FBXW11: variants seen among roughly 807,000 people sequenced by gnomAD.
FBXW11 encodes F-box/WD repeat-containing protein 11.
Under a neutral mutation model 77.6 loss-of-function variants are expected in FBXW11, and 19 were observed. That is an observed-to-expected ratio of 0.24 (90% CI 0.17 to 0.36). The LOEUF is 0.36. Among genes scored for constraint, FBXW11 ranks in the 10% least tolerant of loss-of-function variants. The pLI is 1.00. For missense variants in FBXW11, 334 were observed against 704.2 expected (o/e 0.47, Z 5.95); for synonymous variants, 235 against 249.4 (o/e 0.94, Z 0.54).
chr5:171,885,980 G>C (rs1419459669), intron 7 of FBXW11, among the ~76,000 whole-genome samples: 1 of 152,156 alleles, frequency 6.6e-6, no homozygotes, highest in Non-Finnish European at 1.5e-5. Flanking sequence ...GCGCACTTCT[G>C]CTCTACTATT....
intron 3 of FBXW11, among the ~76,000 whole-genome samples, chr5:171,911,599 T>G (rs759199207): frequency 3.3e-5 from 5 of 152,212 alleles, no homozygotes; most frequent in Non-Finnish European, 5.9e-5. Flanking sequence ...TTCCCATCCT[T>G]CTTTTGATTA....
intron 2 of FBXW11, among the ~76,000 whole-genome samples, chr5:171,919,183 G>A (rs1761433518): frequency 6.6e-6 from 1 of 152,088 alleles, no homozygotes; most frequent in African/African-American, 2.4e-5. Context: ...GAGGTCCATG[G>A]ACTTGGGGCA....
At chr5:171,881,513 AGG>A (rs1758506350) in intron 7 of FBXW11, among the ~76,000 whole-genome samples, 1 of 152,218 alleles carries the variant, frequency 6.6e-6, no homozygotes, top group South Asian at 2.1e-4. Flanking sequence ...TGATTTTTGA[AGG>A]TTAAACATGA....
chr5:171,971,660 C>A (rs1283724159), intron 1 of FBXW11, among the ~76,000 whole-genome samples: 1 of 151,998 alleles, frequency 6.6e-6, no homozygotes, highest in African/African-American at 2.4e-5. Flanking sequence ...CATTTTTGAA[C>A]TGAGAAAAAG....
chr5:171,865,924 T>C (rs532276321), intron 13 of FBXW11, among the ~76,000 whole-genome samples: 22 of 152,208 alleles, frequency 1.4e-4, no homozygotes, highest in Non-Finnish European at 2.8e-4. Context: ...TATGCATAAA[T>C]CTTATGGTAT....
intron 1 of FBXW11, among the ~76,000 whole-genome samples, chr5:171,992,722 C>CGG (rs1318012964): frequency 6.6e-6 from 1 of 151,998 alleles, no homozygotes; most frequent in Non-Finnish European, 1.5e-5. Context: ...GTCTAGTCAG[C>CGG]TACCACTGCA....
At chr5:171,870,723 A>G (rs755865786) in intron 11 of FBXW11, 25 bp downstream of exon 11, 3 of 1,490,282 alleles carry the variant, frequency 2.0e-6, no homozygotes, top group African/African-American at 2.8e-5. Flanking sequence ...TTATAGCAGT[A>G]CATCTGAAAA....
chr5:171,893,421 CAAAAAAAAAAAAAA>C lies in FBXW11; in HGVS notation c.715-1831_715-1818del, dbSNP rs397999920. On this transcript the variant is annotated intron_variant, in intron 6 of 13. Coordinates refer to ENST00000517395, the MANE Select transcript of FBXW11 (RefSeq NM_001378974.1). ...GACATACAAAAGCACACTTCAAAAC[CAAAAAAAAAAAAAA>C]AAAAAAAAAAAACTAACCCAACCAT... 7.4e-3 allele frequency among the ~76,000 whole-genome samples: 294 copies of C among 39,858 alleles called. 4 individuals carry two copies. Among genetic ancestry groups the C allele is most frequent in the African/African-American group, 0.023 (275 of 11,892 alleles). The allele number at this position is 39,858 out of a possible 152,430, so 26.1% of individuals were successfully genotyped here.
chr5:171,914,311 T>C (rs778404474), intron 3 of FBXW11, 32 bp downstream of exon 3: 3 of 1,568,704 alleles, frequency 1.9e-6, no homozygotes, highest in East Asian at 2.3e-5. Flanking sequence ...AGTAAGTCAG[T>C]TGCTATCTAA....
At chr5:171,939,958 T>A (rs929295270) in intron 2 of FBXW11, among the ~76,000 whole-genome samples, 2 of 152,160 alleles carry the variant, frequency 1.3e-5, no homozygotes, top group African/African-American at 4.8e-5. Context: ...TAAATCTCTA[T>A]AGACTACTTA....
chr5:172,006,350 A>G, intron 1 of FBXW11, 108 bp downstream of exon 1: 2 of 994,338 alleles, frequency 2.0e-6, no homozygotes, highest in South Asian at 4.0e-5. Flanking sequence ...GTCTGGGTCG[A>G]GGCGTCTGGG....
chr5:171,969,547 G>T (rs1031036012), intron 1 of FBXW11, among the ~76,000 whole-genome samples: 3 of 151,956 alleles, frequency 2.0e-5, no homozygotes, highest in Admixed American at 2.0e-4. Flanking sequence ...TATATATTCT[G>T]GTATTAAAAA....
At chr5:171,989,478 G>A (rs750532911) in intron 1 of FBXW11, among the ~76,000 whole-genome samples, 10 of 152,214 alleles carry the variant, frequency 6.6e-5, no homozygotes, top group East Asian at 3.8e-4. Context: ...AAGCATTCTC[G>A]TCAAAATGTT....
intron 7 of FBXW11, among the ~76,000 whole-genome samples, chr5:171,888,718 A>T (rs1357124191): frequency 1.3e-5 from 2 of 152,264 alleles, no homozygotes; most frequent in East Asian, 3.8e-4. Flanking sequence ...CTGGACAATC[A>T]ACAGATGTCA....
chr5:171,958,408 T>C (rs1763728206), intron 1 of FBXW11, among the ~76,000 whole-genome samples: 1 of 152,120 alleles, frequency 6.6e-6, no homozygotes, highest in Non-Finnish European at 1.5e-5. Context: ...ACAAGAAAGA[T>C]GGGTGACAGA....
chr5:171,875,853 G>T (rs564105700), intron 9 of FBXW11, among the ~76,000 whole-genome samples: 10 of 152,090 alleles, frequency 6.6e-5, no homozygotes, highest in Non-Finnish European at 7.4e-5. Flanking sequence ...AAAATTAGGT[G>T]AATAAATAAA....
intron 6 of FBXW11, among the ~76,000 whole-genome samples, chr5:171,894,866 A>G (rs949570965): frequency 6.6e-6 from 1 of 152,172 alleles, no homozygotes. Context: ...GATTATGTAT[A>G]TAAGTTCTCA....
At chr5:171,921,061 G>T (rs1039824941) in intron 2 of FBXW11, among the ~76,000 whole-genome samples, 13 of 152,294 alleles carry the variant, frequency 8.5e-5, no homozygotes, top group African/African-American at 2.9e-4. Flanking sequence ...GCAATACTGT[G>T]TCTGCTATGG....
intron 1 of FBXW11, chr5:172,003,276 AG>A (rs1336549445): frequency 6.6e-6 from 1 of 152,202 alleles, no homozygotes; most frequent in Non-Finnish European, 1.5e-5. Context: ...TCTTCCAATC[AG>A]AAGCTCTTGT....
Sources: allele counts gnomAD v4.1 joint callset (sites outside exome capture counted in the v4.1 genomes callset), GRCh38; gene constraint gnomAD v4.1.1; transcripts MANE v1.5; gene names NCBI Gene and HGNC (gene_info 2026-07-23, HGNC 2026-07-21).